The following CD48 variants were observed in gnomAD, a reference collection of about 807,000 sequenced individuals.
CD48 encodes CD48 antigen.
CD48 carries 20 observed loss-of-function variants against 22.0 expected under a neutral mutation model. The ratio of observed to expected loss-of-function variants is 0.91; its 90% CI spans 0.64 to 1.32. The LOEUF is 1.32. Ranked by LOEUF, CD48 falls within the 40% of genes most tolerant of loss-of-function variation. The pLI is 0.00. For synonymous variants in CD48, 110 were observed against 110.1 expected (o/e 1.00, Z 0.01); for missense variants, 307 against 286.5 (o/e 1.07, Z -0.52).
At chr1:160,683,911 T>C (rs1481751681) in intron 2 of CD48, 1 of 152,128 alleles carries the variant, frequency 6.6e-6, no homozygotes, top group Non-Finnish European at 1.5e-5. Flanking sequence ...CCCCTCCCCA[T>C]ATCCATGTTT....
Position 160,681,363 on chromosome 1 carries a change from G to A in CD48, c.491C>T (p.Thr164Ile), listed in dbSNP as rs1445513361. The A allele has an allele frequency of 3.1e-6, 5 of 1,614,058 alleles. No homozygotes were observed. Among genetic ancestry groups the A allele is most frequent in the Non-Finnish European group, 4.2e-6 (5 of 1,180,042 alleles). Residue 164 changes from threonine (T) to isoleucine (I), a missense_variant, in exon 3 of 4, where the codon ACC (threonine) becomes ATC (isoleucine). By Grantham distance (89) the Thr-to-Ile change is moderately conservative. Coordinates refer to ENST00000368046, the MANE Select transcript of CD48 (RefSeq NM_001778.4). Reference protein sequence around the residue: ...CVIPGESVNYTWYGDKRPFPK... With the variant: ...CVIPGESVNYIWYGDKRPFPK... ...GAAGGGCCTTTTGTCCCCATACCAG[G>A]TGTAGTTTACAGACTCGCCAGGTAT...
chr1:160,683,048 G>A (rs1045108898), intron 2 of CD48, among the ~76,000 whole-genome samples: 11 of 152,194 alleles, frequency 7.2e-5, no homozygotes, highest in Non-Finnish European at 1.5e-4. Flanking sequence ...TCTCCTCTGT[G>A]AAGCTGATCT....
At chr1:160,685,593 G>T (rs763057334) in intron 1 of CD48, among the ~76,000 whole-genome samples, 9 of 152,120 alleles carry the variant, frequency 5.9e-5, no homozygotes, top group South Asian at 2.1e-4. Context: ...GTCCCTAGAG[G>T]CATAGACATA....
At chr1:160,684,758 T>C in intron 2 of CD48, 129 bp downstream of exon 2, 1 of 1,603,668 alleles carries the variant, frequency 6.2e-7, no homozygotes, top group Non-Finnish European at 8.5e-7. Flanking sequence ...CAAGGAAAAA[T>C]GAATCAAACC....
chr1:160,702,754 G>A (rs1174099248), intron 1 of CD48, among the ~76,000 whole-genome samples: 1 of 152,126 alleles, frequency 6.6e-6, no homozygotes. Context: ...AGCTTTGTGG[G>A]TATCTGATCC....
At chr1:160,683,197 A>G (rs951869072) in intron 2 of CD48, among the ~76,000 whole-genome samples, 6 of 152,182 alleles carry the variant, frequency 3.9e-5, no homozygotes, top group African/African-American at 1.2e-4. Context: ...CTCCTTCTGC[A>G]TTTCCCATGG....
At chr1:160,704,167 G>C (rs1662722030) in intron 1 of CD48, among the ~76,000 whole-genome samples, 6 of 152,204 alleles carry the variant, frequency 3.9e-5, no homozygotes, top group Admixed American at 3.3e-4. Context: ...TCCCGTGAAA[G>C]TGATGAAGCT....
intron 3 of CD48, 124 bp from the exon 4 acceptor site, chr1:160,679,255 G>A (rs1661713236): frequency 4.2e-6 from 3 of 710,054 alleles, no homozygotes; most frequent in Non-Finnish European, 7.4e-6. Flanking sequence ...TTTCTTCCCT[G>A]AATCCCATCC....
intron 1 of CD48, among the ~76,000 whole-genome samples, chr1:160,700,013 T>G (rs1026471873): frequency 6.6e-6 from 1 of 152,148 alleles, no homozygotes; most frequent in African/African-American, 2.4e-5. Context: ...AACCCACCCC[T>G]TCATGAGACA....
chr1:160,698,262 G>A (rs535904895), intron 1 of CD48, among the ~76,000 whole-genome samples: 7 of 152,158 alleles, frequency 4.6e-5, no homozygotes, highest in Non-Finnish European at 7.4e-5. Flanking sequence ...TGGCAGCACC[G>A]TATTCTGCTG....
At chr1:160,687,832 T>C (rs1235869667) in intron 1 of CD48, among the ~76,000 whole-genome samples, 1 of 152,226 alleles carries the variant, frequency 6.6e-6, no homozygotes, top group Non-Finnish European at 1.5e-5. Flanking sequence ...TTCTGCCACC[T>C]GATCTAATGC....
chr1:160,703,372 G>T (rs1404281748), intron 1 of CD48, among the ~76,000 whole-genome samples: 9 of 152,104 alleles, frequency 5.9e-5, no homozygotes, highest in South Asian at 2.1e-4. Context: ...TTTAAAAAAG[G>T]TAAGATTGAA....
intron 1 of CD48, among the ~76,000 whole-genome samples, chr1:160,691,525 T>C (rs941205649): frequency 6.6e-6 from 1 of 152,202 alleles, no homozygotes; most frequent in South Asian, 2.1e-4. Context: ...CTCCCCACTA[T>C]TGTCTTGTGA....
At chr1:160,702,236 A>G (rs560682720) in intron 1 of CD48, among the ~76,000 whole-genome samples, 5 of 152,266 alleles carry the variant, frequency 3.3e-5, no homozygotes, top group African/African-American at 1.2e-4. Flanking sequence ...TCAAAGGCAA[A>G]GAATCAGGAA....
At chr1:160,689,608 A>C (rs1406664302) in intron 1 of CD48, among the ~76,000 whole-genome samples, 1 of 152,198 alleles carries the variant, frequency 6.6e-6, no homozygotes, top group East Asian at 1.9e-4. Flanking sequence ...GATTAGTTAG[A>C]TGGGTCTCCA....
intron 1 of CD48, among the ~76,000 whole-genome samples, chr1:160,688,367 T>C (rs1662075855): frequency 6.6e-6 from 1 of 152,234 alleles, no homozygotes; most frequent in African/African-American, 2.4e-5. Context: ...TAGGTAAAGT[T>C]ACTGGAATCC....
chr1:160,680,210 T>G (rs1432046532), intron 3 of CD48, among the ~76,000 whole-genome samples: 1 of 152,146 alleles, frequency 6.6e-6, no homozygotes, highest in Non-Finnish European at 1.5e-5. Context: ...TCTAGAAGAA[T>G]GTGTACGCTA....
intron 1 of CD48, among the ~76,000 whole-genome samples, chr1:160,706,923 T>C (rs1662812866): frequency 6.6e-6 from 1 of 152,202 alleles, no homozygotes; most frequent in Non-Finnish European, 1.5e-5. Flanking sequence ...TTGGCTTCTT[T>C]GGTTTCCTCA....
chr1:160,684,628 T>G, intron 2 of CD48: 3 of 1,152,900 alleles, frequency 2.6e-6, no homozygotes, highest in Non-Finnish European at 3.6e-6. Context: ...ATAGGAAAAA[T>G]CTCTAGTTTT....
Sources: gnomAD v4.1 joint callset for allele counts (sites outside exome capture counted in the v4.1 genomes callset) on GRCh38, gnomAD v4.1.1 for gene constraint, MANE v1.5 for transcripts, NCBI Gene and HGNC (gene_info 2026-07-23, HGNC 2026-07-21) for gene names.